MYO18B: variants seen among roughly 807,000 people sequenced by gnomAD.
The protein encoded by MYO18B is unconventional myosin-XVIIIb.
MYO18B carries 204 observed loss-of-function variants against 273.0 expected under a neutral mutation model. The observed-to-expected ratio is 0.75, with a 90% CI of 0.67 to 0.84. MYO18B has a LOEUF of 0.84. Among genes scored for constraint, MYO18B ranks in the 40% least tolerant of loss-of-function variants. MYO18B has a pLI of 0.00. For missense variants in MYO18B, 3,212 were observed against 3,287.6 expected, an observed-to-expected ratio of 0.98 and a Z score of 0.56; for synonymous variants, 1,330 against 1,305.7, an observed-to-expected ratio of 1.02 and a Z score of -0.40.
intron 11 of MYO18B, among the ~76,000 whole-genome samples, chr22:25,787,268 G>A (rs576507605): frequency 0.01 from 515 of 49,246 alleles, 3 homozygotes; most frequent in African/African-American, 0.043. Flanking sequence ...GCGTGCAGGC[G>A]CGCGCACACA....
chr22:25,990,193 TG>T (rs745983777), intron 39 of MYO18B, among the ~76,000 whole-genome samples: 2 of 152,192 alleles, frequency 1.3e-5, no homozygotes, highest in Non-Finnish European at 2.9e-5. Flanking sequence ...ATAATGTGAA[TG>T]GGCAAGCCAA....
chr22:25,818,096 T>A (rs2089115897), intron 12 of MYO18B, among the ~76,000 whole-genome samples: 1 of 152,216 alleles, frequency 6.6e-6, no homozygotes, highest in African/African-American at 2.4e-5. Flanking sequence ...TGGGATTTCC[T>A]TGTCTCCTAA....
the MYO18B span, among the ~76,000 whole-genome samples, chr22:26,049,468 G>A: frequency 6.6e-6 from 1 of 152,202 alleles, no homozygotes; most frequent in African/African-American, 2.4e-5. Context: ...GCATTGGGGA[G>A]TACAGTAAGT....
At chr22:25,790,466 C>CTA in intron 11 of MYO18B, among the ~76,000 whole-genome samples, 1 of 152,298 alleles carries the variant, frequency 6.6e-6, no homozygotes, top group South Asian at 2.1e-4. Context: ...TGTCTCCTTG[C>CTA]TAACAGTCTC....
chr22:25,997,112 C>T (rs963858157), intron 40 of MYO18B, among the ~76,000 whole-genome samples: 2 of 151,810 alleles, frequency 1.3e-5, no homozygotes, highest in Non-Finnish European at 2.9e-5. Context: ...CACTTGAGGT[C>T]AGGAGTTCGA....
At chr22:25,857,387 A>G (rs1461161678) in intron 21 of MYO18B, among the ~76,000 whole-genome samples, 1 of 152,210 alleles carries the variant, frequency 6.6e-6, no homozygotes, top group African/African-American at 2.4e-5. Context: ...TCTGAAGAAC[A>G]TAATTAAGGG....
rs770281929 is a variant in MYO18B, at chr22:25,952,403, G to A, written c.5950G>A (p.Val1984Met). ...DLENKTEFQK[V>M]QIKRFEVLVI... Reference sequence around the variant, plus strand: ...AGAGAACAAGACAGAGTTCCAGAAGGTGCAGATTAAGAGATTTGAGGTACG... The same window carrying A: ...AGAGAACAAGACAGAGTTCCAGAAGATGCAGATTAAGAGATTTGAGGTACG... The change falls in exon 38 of 44, where the codon GTG (valine) becomes ATG (methionine). Residue 1984 changes from valine (V) to methionine (M), a missense_variant. Val to Met is a conservative substitution (Grantham distance 21). Transcript: ENST00000335473. 19 of 1,613,156 alleles carry A rather than the reference G, an allele frequency of 1.2e-5. No individual in the cohort carries two copies. In the Admixed American group the frequency reaches 3.0e-4, roughly 26 times the overall value.
At chr22:25,898,184 C>T in intron 28 of MYO18B, 123 bp from the exon 29 acceptor site, 2 of 1,118,492 alleles carry the variant, frequency 1.8e-6, no homozygotes, top group Non-Finnish European at 2.5e-6. Context: ...GACAGGGTCT[C>T]CCCATTCCAG....
At chr22:25,892,705 C>T (rs1345313445) in intron 27 of MYO18B, 1 of 152,060 alleles carries the variant, frequency 6.6e-6, no homozygotes, top group Non-Finnish European at 1.5e-5. Flanking sequence ...TCCTGGCTAC[C>T]CCCGTGGCAG....
At chr22:25,802,216 C>A (rs1298666386) in intron 12 of MYO18B, among the ~76,000 whole-genome samples, 7 of 152,206 alleles carry the variant, frequency 4.6e-5, no homozygotes, top group Non-Finnish European at 1.0e-4. Flanking sequence ...ACTTTACTTA[C>A]AACCACTGCT....
chr22:26,047,007 T>C, the MYO18B span, among the ~76,000 whole-genome samples: 57 of 151,830 alleles, frequency 3.8e-4, no homozygotes, highest in Non-Finnish European at 7.5e-4. Context: ...CCTCCAACCG[T>C]GGTGGTTGAG....
At chr22:25,773,613 G>C (rs568653801) in intron 7 of MYO18B, among the ~76,000 whole-genome samples, 1 of 152,078 alleles carries the variant, frequency 6.6e-6, no homozygotes, top group African/African-American at 2.4e-5. Context: ...ACAGGCACCC[G>C]CCACCACGCC....
At chr22:25,915,791 G>A (rs149069153) in intron 33 of MYO18B, among the ~76,000 whole-genome samples, 7 of 152,102 alleles carry the variant, frequency 4.6e-5, no homozygotes, top group Admixed American at 6.5e-5. Context: ...CAGCTCTTTC[G>A]GATTGCTAAC....
At chr22:25,770,216 TCTC>T in intron 5 of MYO18B, 40 bp downstream of exon 5, 1 of 1,595,544 alleles carries the variant, frequency 6.3e-7, no homozygotes, top group Non-Finnish European at 8.6e-7. Context: ...GTCTGAGTCT[TCTC>T]CTGTGCCCCC....
intron 24 of MYO18B, chr22:25,877,320 A>G (rs1455534148): frequency 6.6e-6 from 1 of 152,152 alleles, no homozygotes; most frequent in Non-Finnish European, 1.5e-5. Flanking sequence ...AAAAAAATTC[A>G]TCTTTAATTT....
chr22:25,846,470 C>T (rs2090250638), intron 19 of MYO18B, among the ~76,000 whole-genome samples, 187 bp downstream of exon 19: 1 of 152,246 alleles, frequency 6.6e-6, no homozygotes, highest in Non-Finnish European at 1.5e-5. Context: ...GCCCTGGTCA[C>T]ACCCCCAGGA....
intron 42 of MYO18B, among the ~76,000 whole-genome samples, chr22:26,019,677 A>G (rs1935656340): frequency 6.6e-6 from 1 of 152,206 alleles, no homozygotes; most frequent in African/African-American, 2.4e-5. Flanking sequence ...AGGCCTCACC[A>G]GTATTAAAGA....
At chr22:25,755,411 G>T (rs1318740825) in intron 1 of MYO18B, among the ~76,000 whole-genome samples, 1 of 152,080 alleles carries the variant, frequency 6.6e-6, no homozygotes, top group African/African-American at 2.4e-5. Context: ...TCTCCATGTT[G>T]GTCAGTCTGG....
At chr22:26,041,992 A>C in the MYO18B span, among the ~76,000 whole-genome samples, 1 of 152,172 alleles carries the variant, frequency 6.6e-6, no homozygotes, top group African/African-American at 2.4e-5. Context: ...GCACCTTCTG[A>C]GTGTCCCCAG....
Sources: allele counts gnomAD v4.1 joint callset (sites outside exome capture counted in the v4.1 genomes callset), GRCh38; gene constraint gnomAD v4.1.1; transcripts MANE v1.5; gene names NCBI Gene and HGNC (gene_info 2026-07-23, HGNC 2026-07-21).